SKAP1: variants seen among roughly 807,000 people sequenced by gnomAD.
The protein encoded by SKAP1 is src kinase-associated phosphoprotein 1.
A neutral mutation model predicts 58.5 loss-of-function variants in SKAP1; 44 were observed. The ratio of observed to expected loss-of-function variants is 0.75; its 90% CI spans 0.59 to 0.97. SKAP1 has a LOEUF of 0.97. SKAP1 is among the 50% of genes least tolerant of loss of function. The pLI, the probability that SKAP1 is intolerant of heterozygous loss-of-function variation, is 0.00. For synonymous variants in SKAP1, 127 were observed against 149.7 expected (o/e 0.85, Z 1.11); for missense variants, 390 against 435.2 (o/e 0.90, Z 0.92).
chr17:48,327,365 G>T (rs186326564), intron 4 of SKAP1, among the ~76,000 whole-genome samples: 2 of 152,292 alleles, frequency 1.3e-5, no homozygotes, highest in East Asian at 3.9e-4. Flanking sequence ...CTACAGAAAG[G>T]TATAAAGTTC....
chr17:48,224,839 T>C (rs67345313), intron 4 of SKAP1, among the ~76,000 whole-genome samples: 16,955 of 152,170 alleles, frequency 0.11, 1,008 homozygotes, highest in East Asian at 0.18. Flanking sequence ...GCTGAGAGTT[T>C]ATATTGCATA....
chr17:48,166,700 C>A (rs1238118816), intron 10 of SKAP1, among the ~76,000 whole-genome samples: 4 of 152,050 alleles, frequency 2.6e-5, no homozygotes, highest in Non-Finnish European at 5.9e-5. Context: ...AAAAGAGAGA[C>A]AAAACATGAA....
chr17:48,143,692 G>A (rs372456314), intron 11 of SKAP1, among the ~76,000 whole-genome samples: 3 of 152,316 alleles, frequency 2.0e-5, no homozygotes. Context: ...TATCTCACAG[G>A]CAGAGAGTGG....
At chr17:48,257,720 C>CAATT (rs1343780913) in intron 4 of SKAP1, among the ~76,000 whole-genome samples, 1 of 141,684 alleles carries the variant, frequency 7.1e-6, no homozygotes, top group Non-Finnish European at 1.5e-5. Flanking sequence ...TCTCAACAAT[C>CAATT]AATTTTTACT....
intron 7 of SKAP1, 92 bp downstream of exon 7, chr17:48,184,631 G>A (rs2064419383): frequency 3.3e-6 from 5 of 1,520,670 alleles, no homozygotes; most frequent in Non-Finnish European, 4.6e-6. Flanking sequence ...ACAAAGAAAG[G>A]CTGGAACCCA....
At chr17:48,356,811 A>C (rs1438079449) in intron 3 of SKAP1, among the ~76,000 whole-genome samples, 2 of 152,140 alleles carry the variant, frequency 1.3e-5, no homozygotes, top group Non-Finnish European at 2.9e-5. Context: ...ATCCCCCTCA[A>C]CAGTGATTAC....
Position 48,205,033 on chromosome 17 carries a change from TTCTTTCTC to T in SKAP1, c.281-15541_281-15534del, listed in dbSNP as rs1567820056. On this transcript the variant is annotated intron_variant, in intron 4 of 12. Coordinates refer to ENST00000336915, the MANE Select transcript of SKAP1 (RefSeq NM_003726.4). ...TCTTTCTTTTTCTTTCTTTCTTTCT[TTCTTTCTC>T]TCTCTCTCTTTCTTTCTTCTTTCTC... 5.7e-3 allele frequency among the ~76,000 whole-genome samples: 251 copies of T among 43,892 alleles called. 4 individuals carry two copies. Among genetic ancestry groups the T allele is most frequent in the African/African-American group, 0.015 (241 of 16,206 alleles). The allele number at this position is 43,892 out of a possible 152,430, so 28.8% of individuals were successfully genotyped here.
At chr17:48,327,554 T>A (rs1466338232) in intron 4 of SKAP1, among the ~76,000 whole-genome samples, 2 of 152,236 alleles carry the variant, frequency 1.3e-5, no homozygotes, top group Non-Finnish European at 2.9e-5. Flanking sequence ...TTCCTTATAA[T>A]TTATCCATTT....
At chr17:48,356,411 G>A (rs1485888369) in intron 3 of SKAP1, among the ~76,000 whole-genome samples, 5 of 152,072 alleles carry the variant, frequency 3.3e-5, no homozygotes, top group Non-Finnish European at 7.4e-5. Flanking sequence ...AATAAAAAAA[G>A]TTAAGTATGC....
chr17:48,296,645 C>A (rs890995781), intron 4 of SKAP1, among the ~76,000 whole-genome samples: 1 of 152,080 alleles, frequency 6.6e-6, no homozygotes, highest in Non-Finnish European at 1.5e-5. Flanking sequence ...TTGTTCAAAT[C>A]CTGCTGTGAG....
intron 4 of SKAP1, among the ~76,000 whole-genome samples, chr17:48,284,231 T>A (rs1162422557): frequency 1.3e-5 from 2 of 152,206 alleles, no homozygotes; most frequent in South Asian, 2.1e-4. Flanking sequence ...ATAATGTTTT[T>A]AAAAAGTAGG....
rs1598695584 is a variant in SKAP1, at chr17:48,430,060, G to T, written c.46+15C>A. Reference sequence around the variant, plus strand: ...TTCGGCTCAGCACTGGAGGGGGCCTGCGCCAGGGCGTTACCTTCCAGGAGC... The same window carrying T: ...TTCGGCTCAGCACTGGAGGGGGCCTTCGCCAGGGCGTTACCTTCCAGGAGC... On this transcript the variant is annotated intron_variant, in intron 1 of 12. Coordinates refer to ENST00000336915, the MANE Select transcript of SKAP1 (RefSeq NM_003726.4). 1 of 1,262,756 alleles carries T rather than the reference G, an allele frequency of 7.9e-7. No individual in the cohort carries two copies. Among genetic ancestry groups the T allele is most frequent in the East Asian group, 3.1e-5 (1 of 32,550 alleles). The allele number at this position is 1,262,756 out of a possible 1,614,324, so 78.2% of individuals were successfully genotyped here.
chr17:48,370,931 T>C (rs567147869), intron 2 of SKAP1, among the ~76,000 whole-genome samples: 36 of 152,316 alleles, frequency 2.4e-4, no homozygotes, highest in African/African-American at 7.9e-4. Flanking sequence ...ATATACACCA[T>C]GGACTATGAT....
intron 4 of SKAP1, among the ~76,000 whole-genome samples, chr17:48,204,973 T>TTTTCTTTTCTTTTCTTTTC (rs71356522): frequency 1.3e-5 from 1 of 77,294 alleles, no homozygotes; most frequent in Admixed American, 1.4e-4. Flanking sequence ...TTTTCTTTTC[T>TTTTCTTTTCTTTTCTTTTC]TTTCTTTCTT....
intron 4 of SKAP1, among the ~76,000 whole-genome samples, chr17:48,265,498 AAAAAAGC>A (rs1480036222): frequency 6.5e-5 from 8 of 122,750 alleles, no homozygotes; most frequent in Admixed American, 6.5e-4. Context: ...CTCAAAAAAA[AAAAAAGC>A]AAGCAAGCAA....
chr17:48,197,220 T>C (rs2064646420), intron 4 of SKAP1, among the ~76,000 whole-genome samples: 2 of 131,070 alleles, frequency 1.5e-5, no homozygotes, highest in Admixed American at 9.4e-5. Flanking sequence ...ATTGCGCCAC[T>C]GCACTCCAGT....
chr17:48,242,646 T>G (rs747530668), intron 4 of SKAP1, among the ~76,000 whole-genome samples: 2 of 152,218 alleles, frequency 1.3e-5, no homozygotes, highest in South Asian at 4.1e-4. Context: ...AGTTAACCAC[T>G]GCAAGGAAGG....
intron 1 of SKAP1, among the ~76,000 whole-genome samples, chr17:48,414,207 T>C (rs2067704330): frequency 6.6e-6 from 1 of 152,154 alleles, no homozygotes; most frequent in Non-Finnish European, 1.5e-5. Flanking sequence ...AGGCCCATAG[T>C]AGAGGCACCT....
chr17:48,190,536 G>T (rs556770315), intron 4 of SKAP1, among the ~76,000 whole-genome samples: 1 of 152,226 alleles, frequency 6.6e-6, no homozygotes, highest in Admixed American at 6.5e-5. Context: ...CACCATAAAC[G>T]TAGTCACCTA....
Sources: allele counts gnomAD v4.1 joint callset (sites outside exome capture counted in the v4.1 genomes callset), GRCh38; gene constraint gnomAD v4.1.1; transcripts MANE v1.5; gene names NCBI Gene and HGNC (gene_info 2026-07-23, HGNC 2026-07-21).